IPO4: variants seen among roughly 807,000 people sequenced by gnomAD.
IPO4 encodes importin-4.
Under a neutral mutation model 133.5 loss-of-function variants are expected in IPO4, and 91 were observed. The observed-to-expected ratio is 0.68, with a 90% CI of 0.58 to 0.81. The LOEUF is 0.81. Ranked by LOEUF, IPO4 falls within the 30% of genes least tolerant of loss-of-function variation. The pLI is 0.00. For missense variants in IPO4, 1,279 were observed against 1,386.2 expected, an observed-to-expected ratio of 0.92 and a Z score of 1.23; for synonymous variants, 607 against 581.6, an observed-to-expected ratio of 1.04 and a Z score of -0.63.
intron 3 of IPO4, 37 bp from the exon 4 acceptor site, chr14:24,188,294 G>A (rs375989426): frequency 1.1e-4 from 171 of 1,612,924 alleles, no homozygotes; most frequent in Non-Finnish European, 1.4e-4. Context: ...TACCCAGCCT[G>A]CCCAAGAAAA....
chr14:24,185,107 G>A, intron 14 of IPO4, 76 bp downstream of exon 14: 18 of 1,592,390 alleles, frequency 1.1e-5, no homozygotes, highest in Non-Finnish European at 1.5e-5. Flanking sequence ...GCAATGCAGG[G>A]AGATGCACAT....
chr14:24,188,353 T>A lies in IPO4; in HGVS notation c.227A>T (p.Gln76Leu). ...CCCAGGCCCAGCCCACCTCTCCCGT[T>A]GCTCCGCCGCCAGCCGTCGCCAGCG... ...NTRWRRLAAE[Q>L]RESLKSLILT... Residue 76 changes from glutamine (Q) to leucine (L), a missense_variant, in exon 3 of 30, where the codon CAA (glutamine) becomes CTA (leucine). Transcript: ENST00000354464. 6.2e-7 allele frequency: 1 copy of A among 1,613,622 alleles called. No individual in the cohort carries two copies. The highest frequency in any genetic ancestry group is 1.1e-5 in the South Asian group (1 of 91,062).
rs767694315 is a variant in IPO4, at chr14:24,187,014, C to G, written c.655-35G>C. Reference sequence around the variant, plus strand: ...AAACAAGGCACAAGGTTACCATGCTCTTCTTCAGTGGGCCAAACTGGACAC... The same window carrying G: ...AAACAAGGCACAAGGTTACCATGCTGTTCTTCAGTGGGCCAAACTGGACAC... On this transcript the variant is annotated intron_variant, in intron 7 of 29. Coordinates refer to ENST00000354464, the MANE Select transcript of IPO4 (RefSeq NM_024658.4). 14 of 1,612,700 alleles carry G rather than the reference C, an allele frequency of 8.7e-6. No individual in the cohort carries two copies. The South Asian group carries it at 1.3e-4, about 15-fold the overall frequency.
intron 12 of IPO4, 84 bp downstream of exon 12, chr14:24,185,777 A>G: frequency 8.8e-7 from 1 of 1,136,508 alleles, no homozygotes; most frequent in Non-Finnish European, 1.3e-6. Context: ...CTGTTGATAA[A>G]TAAGCTTGAA....
chr14:24,181,625 C>A lies in IPO4; in HGVS notation c.2941-8G>T. On this transcript the variant is annotated splice_region_variant and splice_polypyrimidine_tract_variant and intron_variant, in intron 27 of 29. Coordinates refer to ENST00000354464, the MANE Select transcript of IPO4 (RefSeq NM_024658.4). ...CAGTAGGGCAGCCAGCACCTGGGCA[C>A]ACAAATGTCTCAGGCCAACCTGCCC... The A allele has an allele frequency of 6.2e-7, 1 of 1,614,076 alleles. No homozygotes were observed. The highest frequency in any genetic ancestry group is 8.5e-7 in the Non-Finnish European group (1 of 1,179,952).
chr14:24,181,999 G>A lies in IPO4; in HGVS notation c.2763C>T (p.Phe921=), dbSNP rs201877875. 2.4e-5 allele frequency: 38 copies of A among 1,612,854 alleles called. No homozygotes were observed. Among genetic ancestry groups the A allele is most frequent in the Non-Finnish European group, 2.8e-5 (33 of 1,180,028 alleles). ...ADPEVRSNAI[F]GMGVLAEHGG... is the part of the protein sequence containing the mutation. ...CATGCTCTGCCAGCACGCCCATCCC[G>A]AAGATGGCATTGCTTCGCACCTCGG... Residue 921 remains phenylalanine (F), a synonymous_variant, in exon 26 of 30, where the codon TTC becomes TTT. Coordinates refer to ENST00000354464, the MANE Select transcript of IPO4 (RefSeq NM_024658.4).
Position 24,185,932 on chromosome 14 carries a change from T to A in IPO4, c.1098A>T (p.Pro366=). Residue 366 remains proline, a synonymous_variant, in exon 12 of 30, where the codon CCA becomes CCT. Transcript: ENST00000354464. ...CCAGGAGTCCAGCTTTGCGCTGGTA[T>A]GGGCTCTCGCTCCGCAAAGCCTCTT... ...MLEEALRSES[P]YQRKAGLLVL... 6.2e-7 allele frequency: 1 copy of A among 1,614,118 alleles called. No individual in the cohort carries two copies. The highest frequency in any genetic ancestry group is 8.5e-7 in the Non-Finnish European group (1 of 1,180,010).
chr14:24,183,408 G>A (rs1193072756), intron 21 of IPO4, 48 bp downstream of exon 21: 1 of 1,594,270 alleles, frequency 6.3e-7, no homozygotes, highest in African/African-American at 1.3e-5. Context: ...GTGAACACAG[G>A]GCCCCCAGCC....
rs2039199881 is a variant in IPO4, at chr14:24,185,061, T to C, written c.1409-81A>G. The stretch of plus-strand genomic sequence containing the variant: ...ACCTCCCTCCAGGCGGAAACCTTTT[T>C]TTGGCACCATCACACCCTTTCCCCT... On this transcript the variant is annotated intron_variant, in intron 14 of 29. Transcript: ENST00000354464. 5.0e-6 allele frequency: 8 copies of C among 1,589,994 alleles called. No individual in the cohort carries two copies. In the South Asian group the frequency reaches 8.9e-5, roughly 18 times the overall value.
chr14:24,186,384 G>T lies in IPO4; in HGVS notation c.908C>A (p.Pro303His). The change falls in exon 10 of 30, where the codon CCC becomes CAC. Residue 303 changes from proline to histidine, a missense_variant. Transcript: ENST00000354464. ...CTCGGGATCCAACTGGCCTGGTGGG[G>T]GCTCAGCAGCCACAATGGGGAAAAG... The part of the protein sequence containing the change: ...HTLFPIVAAE[P>H]PPGQLDPEDQ... The T allele has an allele frequency of 6.2e-7, 1 of 1,612,894 alleles. No individual in the cohort carries two copies. The highest frequency in any genetic ancestry group is 8.5e-7 in the Non-Finnish European group (1 of 1,179,330).
At position 24,188,706 on chromosome 14, in the gene IPO4, G is replaced by A. The variant is rs1469106844; in HGVS notation, c.69+13C>T. The stretch of plus-strand genomic sequence containing the variant: ...CTCCCGCTCGCCCTGGCCCGGTTAC[G>A]CCTGCTCCGTACCCGACGGATGCGC... On this transcript the variant is annotated intron_variant, in intron 1 of 29. Transcript: ENST00000354464. 1.9e-6 allele frequency: 3 copies of A among 1,591,444 alleles called. No individual in the cohort carries two copies. The highest frequency in any genetic ancestry group is 2.3e-5 in the South Asian group (2 of 88,604).
rs771957706 is a variant in IPO4, at chr14:24,186,873, C to A, written c.756+5G>T. The A allele has an allele frequency of 1.2e-6, 2 of 1,613,730 alleles. No individual in the cohort carries two copies. The highest frequency in any genetic ancestry group is 2.2e-5 in the South Asian group (2 of 91,060). On this transcript the variant is annotated splice_donor_5th_base_variant and intron_variant, in intron 8 of 29. Transcript: ENST00000354464. ...TAGCAGGGGCCATGTCCACTCCAGG[C>A]TCACCTCCAGGCAGAATGTGAGGAC...
chr14:24,188,735 G>C lies in IPO4; in HGVS notation c.53C>G (p.Thr18Ser), dbSNP rs758794896. 4 of 1,555,170 alleles carry C rather than the reference G, an allele frequency of 2.6e-6. No individual in the cohort carries two copies. Among genetic ancestry groups the C allele is most frequent in the Non-Finnish European group, 3.5e-6 (4 of 1,148,540 alleles). The part of the protein sequence containing the change: ...QLLRELLLPD[T>S]ERIRRATEQL... ...GCTCCGTACCCGACGGATGCGCTCG[G>C]TGTCCGGTAGCAGCAGCTCCCGTAG... The change falls in exon 1 of 30, where the codon ACC becomes AGC. Residue 18 changes from threonine (T) to serine (S), a missense_variant. Physicochemically the swap from Thr to Ser is moderately conservative, Grantham distance 58. Around this residue, in one of 3 missense-constraint regions of IPO4, gnomAD observed 695 missense variants for 704.1 expected, o/e 0.99. Transcript: ENST00000354464.
intron 21 of IPO4, 50 bp from the exon 22 acceptor site, chr14:24,183,405 C>G: frequency 6.3e-7 from 1 of 1,593,874 alleles, no homozygotes; most frequent in Non-Finnish European, 8.6e-7. Flanking sequence ...ACCGTGAACA[C>G]AGGGCCCCCA....
chr14:24,185,150 C>A, intron 14 of IPO4, 33 bp downstream of exon 14: 1 of 1,613,198 alleles, frequency 6.2e-7, no homozygotes, highest in Non-Finnish European at 8.5e-7. Context: ...CCGCCTCATC[C>A]CCCTTCCCCA....
chr14:24,188,791 A>G lies in IPO4; in HGVS notation c.-4T>C. On this transcript the variant is annotated 5_prime_UTR_variant, in exon 1 of 30. Transcript: ENST00000354464. ...GCTCTAGCCCGGCTGACTCCATGGC[A>G]GCAACTGAGCCGCCGCTACTGGGCC... 6.7e-7 allele frequency: 1 copy of G among 1,496,266 alleles called. No homozygotes were observed. The highest frequency in any genetic ancestry group is 1.4e-5 in the South Asian group (1 of 73,428). The allele number at this position is 1,496,266 out of a possible 1,614,324, so 92.7% of individuals were successfully genotyped here.
At chr14:24,188,507 G>A (rs1428579318) in intron 2 of IPO4, 45 bp downstream of exon 2, 2 of 1,606,754 alleles carry the variant, frequency 1.2e-6, no homozygotes, top group Non-Finnish European at 1.7e-6. Context: ...GGCTTGACCG[G>A]TGGCGTACAG....
At chr14:24,188,082 G>T in intron 4 of IPO4, 134 bp downstream of exon 4, 2 of 972,500 alleles carry the variant, frequency 2.1e-6, no homozygotes, top group Non-Finnish European at 3.1e-6. Flanking sequence ...CTTCAAAACA[G>T]CCTTAAAATC....
chr14:24,186,983 A>C lies in IPO4; in HGVS notation c.655-4T>G. The C allele has an allele frequency of 6.2e-7, 1 of 1,613,468 alleles. No homozygotes were observed. Among genetic ancestry groups the C allele is most frequent in the African/African-American group, 1.3e-5 (1 of 75,026 alleles). On this transcript the variant is annotated splice_polypyrimidine_tract_variant and splice_region_variant and intron_variant, in intron 7 of 29. Coordinates refer to ENST00000354464, the MANE Select transcript of IPO4 (RefSeq NM_024658.4). Reference sequence around the variant, plus strand: ...CAAGGGCCTCACAGGCCTTTGCCTGACAGACAAACAAGGCACAAGGTTACC... The same window carrying C: ...CAAGGGCCTCACAGGCCTTTGCCTGCCAGACAAACAAGGCACAAGGTTACC...
Sources: gnomAD v4.1 joint callset for allele counts on GRCh38, gnomAD v4.1.1 for gene constraint, gnomAD v4.1.1 regional missense constraint, MANE v1.5 for transcripts, NCBI Gene and HGNC (gene_info 2026-07-23, HGNC 2026-07-21) for gene names.